The following PKP1 variants were observed in gnomAD, a reference collection of about 807,000 sequenced individuals.
The protein encoded by PKP1 is plakophilin-1.
A neutral mutation model predicts 76.4 loss-of-function variants in PKP1; 27 were observed. That is an observed-to-expected ratio of 0.35 (90% CI 0.26 to 0.49). The LOEUF is 0.49. PKP1 is among the 20% of genes least tolerant of loss of function. The pLI, the probability that PKP1 is intolerant of heterozygous loss-of-function variation, is 0.99. For missense variants in PKP1, 964 were observed against 955.2 expected (o/e 1.01, Z -0.12); for synonymous variants, 404 against 384.2 (o/e 1.05, Z -0.60).
At chr1:201,284,675 A>T (rs1655676424) in intron 1 of PKP1, among the ~76,000 whole-genome samples, 1 of 152,194 alleles carries the variant, frequency 6.6e-6, no homozygotes, top group South Asian at 2.1e-4. Context: ...TCTTTCCCGA[A>T]TAGCCAATGC....
At chr1:201,326,874 G>T (rs1558197387) in intron 12 of PKP1, among the ~76,000 whole-genome samples, 3 of 152,244 alleles carry the variant, frequency 2.0e-5, no homozygotes, top group African/African-American at 4.8e-5. Flanking sequence ...GGAAAGGCCA[G>T]GGAAAAGAGG....
intron 1 of PKP1, among the ~76,000 whole-genome samples, chr1:201,292,210 G>A (rs755104475): frequency 6.6e-6 from 1 of 152,166 alleles, no homozygotes; most frequent in Non-Finnish European, 1.5e-5. Flanking sequence ...TGGAGAGGAG[G>A]AGTCGGCTCC....
intron 13 of PKP1, among the ~76,000 whole-genome samples, chr1:201,329,845 GTGAGGAAGACGGTGGGCAGGGGACAC>G (rs1356169780): frequency 4.6e-5 from 7 of 152,218 alleles, no homozygotes; most frequent in African/African-American, 1.7e-4. Context: ...TTCTTTCTTA[GTGAGGAAGACGGTGGGCAGGGGACAC>G]TGTGGCAGGG....
chr1:201,301,924 G>A (rs967645892), intron 2 of PKP1, among the ~76,000 whole-genome samples: 1 of 152,096 alleles, frequency 6.6e-6, no homozygotes, highest in South Asian at 2.1e-4. Flanking sequence ...GTCATTGAAG[G>A]CGTGGGACCA....
intron 8 of PKP1, among the ~76,000 whole-genome samples, chr1:201,322,797 C>A (rs1656987359): frequency 6.6e-6 from 1 of 152,180 alleles, no homozygotes; most frequent in African/African-American, 2.4e-5. Flanking sequence ...GTCTGGGGGA[C>A]CATGGCCCAT....
Position 201,283,739 on chromosome 1 carries a change from G to A in PKP1, c.37G>A (p.Glu13Lys). The A allele has an allele frequency of 1.2e-6, 2 of 1,614,102 alleles. No homozygotes were observed. The highest frequency in any genetic ancestry group is 1.7e-6 in the Non-Finnish European group (2 of 1,179,952). The change falls in exon 1 of 14, where the codon GAA becomes AAA. Residue 13 changes from glutamate to lysine, a missense_variant. Physicochemically the swap from Glu to Lys is moderately conservative, Grantham distance 56. Coordinates refer to ENST00000367324, the MANE Select transcript of PKP1 (RefSeq NM_001005337.3). ...GCCGCTCAAGACCGCCTTGGCGTAC[G>A]AATGCTTCCAGGACCAGGACAACTC... ...HSPLKTALAY[E>K]CFQDQDNSTL...
Position 201,328,735 on chromosome 1 carries a change from A to G in PKP1, c.2107-27A>G, listed in dbSNP as rs751443758. On this transcript the variant is annotated intron_variant, in intron 12 of 13. Transcript: ENST00000367324. Reference sequence around the variant, plus strand: ...AGCAAGCCCCACACAGTTTTGTGTCATTTGGTTGCTGTTTCTCCCTTTGCA... The same window carrying G: ...AGCAAGCCCCACACAGTTTTGTGTCGTTTGGTTGCTGTTTCTCCCTTTGCA... The G allele has an allele frequency of 3.1e-6, 5 of 1,609,784 alleles. No individual in the cohort carries two copies. The Admixed American group carries it at 8.3e-5, about 27-fold the overall frequency.
intron 3 of PKP1, among the ~76,000 whole-genome samples, chr1:201,314,866 G>A (rs752867206): frequency 6.6e-6 from 1 of 152,236 alleles, no homozygotes; most frequent in Non-Finnish European, 1.5e-5. Context: ...AGAGCCTCAG[G>A]AGCTTTGCAT....
chr1:201,324,988 G>A lies in PKP1; in HGVS notation c.1882G>A (p.Gly628Ser), dbSNP rs373741646. The change falls in exon 11 of 14, where the codon GGC becomes AGC. Residue 628 changes from glycine to serine, a missense_variant. Gly to Ser is a moderately conservative substitution (Grantham distance 56). Coordinates refer to ENST00000367324, the MANE Select transcript of PKP1 (RefSeq NM_001005337.3). Reference protein sequence around the residue: ...EVTRLLTSHTGNTSNSEDILS... With the variant: ...EVTRLLTSHTSNTSNSEDILS... Reference sequence around the variant, plus strand: ...GACCAGGCTCCTCACCAGCCACACTGGCAATACCAGCAACTCCGAAGACAT... The same window carrying A: ...GACCAGGCTCCTCACCAGCCACACTAGCAATACCAGCAACTCCGAAGACAT... 14 of 1,613,782 alleles carry A rather than the reference G, an allele frequency of 8.7e-6. No homozygotes were observed. In the African/African-American group the frequency reaches 9.3e-5, roughly 11 times the overall value.
chr1:201,308,214 C>T (rs1223762320), intron 2 of PKP1, among the ~76,000 whole-genome samples: 1 of 152,194 alleles, frequency 6.6e-6, no homozygotes, highest in Non-Finnish European at 1.5e-5. Flanking sequence ...GGCTGCCTCA[C>T]CCTGCCTAGA....
intron 3 of PKP1, among the ~76,000 whole-genome samples, chr1:201,314,460 TCAAA>T (rs1036067953): frequency 7.2e-5 from 11 of 152,160 alleles, no homozygotes; most frequent in African/African-American, 9.6e-5. Context: ...AGACCCTGTC[TCAAA>T]CAAACAAACA....
At chr1:201,300,659 C>A (rs115406331) in intron 2 of PKP1, among the ~76,000 whole-genome samples, 2,153 of 152,332 alleles carry the variant, frequency 0.014, 37 homozygotes, top group African/African-American at 0.049. Context: ...GTGGCTCAGA[C>A]CACCTCCTTG....
At chr1:201,310,050 A>AC (rs1237483638) in intron 2 of PKP1, among the ~76,000 whole-genome samples, 5 of 151,992 alleles carry the variant, frequency 3.3e-5, no homozygotes, top group Non-Finnish European at 2.9e-5. Flanking sequence ...TGGTGCATAC[A>AC]CTTTCCTGGG....
chr1:201,314,169 T>C (rs940336712), intron 3 of PKP1, among the ~76,000 whole-genome samples: 11 of 152,172 alleles, frequency 7.2e-5, no homozygotes, highest in Non-Finnish European at 1.3e-4. Flanking sequence ...CTGAGGGACA[T>C]GGCCTGGGTG....
At chr1:201,325,920 G>T in intron 12 of PKP1, 82 bp downstream of exon 12, 1 of 1,039,686 alleles carries the variant, frequency 9.6e-7, no homozygotes, top group African/African-American at 1.6e-5. Flanking sequence ...GCTCTGGGCT[G>T]GGCACTAGAG....
chr1:201,325,710 C>A, intron 11 of PKP1, 44 bp from the exon 12 acceptor site: 3 of 1,462,954 alleles, frequency 2.1e-6, no homozygotes, highest in South Asian at 1.1e-5. Context: ...CCTTCTCACA[C>A]CTCCTGGAAT....
At chr1:201,308,908 TA>T (rs1455120461) in intron 2 of PKP1, among the ~76,000 whole-genome samples, 2 of 151,854 alleles carry the variant, frequency 1.3e-5, no homozygotes, top group Admixed American at 6.5e-5. Flanking sequence ...GGCCTGGTGG[TA>T]AGCTGATGGG....
chr1:201,287,706 C>T (rs1558181594), intron 1 of PKP1, among the ~76,000 whole-genome samples: 2 of 152,226 alleles, frequency 1.3e-5, no homozygotes, highest in Non-Finnish European at 2.9e-5. Context: ...GCAAATGCTG[C>T]TTCTCTGGAT....
chr1:201,324,633 A>G, intron 10 of PKP1, 52 bp downstream of exon 10: 1 of 1,598,032 alleles, frequency 6.3e-7, no homozygotes, highest in Non-Finnish European at 8.6e-7. Context: ...CAGGCTCCCT[A>G]CAATTCAAGC....
Sources: allele counts gnomAD v4.1 joint callset (sites outside exome capture counted in the v4.1 genomes callset), GRCh38; gene constraint gnomAD v4.1.1; transcripts MANE v1.5; gene names NCBI Gene and HGNC (gene_info 2026-07-23, HGNC 2026-07-21).